ATMIN: variants seen among roughly 807,000 people sequenced by gnomAD.
The protein encoded by ATMIN is ATM INteracting protein.
In ATMIN, 24 loss-of-function variants were observed where a neutral mutation model predicts 49.2. The observed-to-expected ratio is 0.49, with a 90% confidence interval of 0.35 to 0.69. The LOEUF (loss-of-function observed/expected upper bound fraction) is 0.69, where lower values mean the gene tolerates loss of function less well. Among genes scored for constraint, ATMIN ranks in the 30% least tolerant of loss-of-function variants. The pLI is 0.00. For missense variants in ATMIN, 1,037 were observed against 1,005.5 expected (o/e 1.03, Z -0.42); for synonymous variants, 450 against 392.5 (o/e 1.15, Z -1.73).
intron 1 of ATMIN, among the ~76,000 whole-genome samples, chr16:81,036,914 ATCAG>A (rs1970947354): frequency 1.3e-5 from 2 of 152,348 alleles, no homozygotes; most frequent in East Asian, 3.9e-4. Flanking sequence ...TCTAAACACC[ATCAG>A]TCAGTTTCAC....
rs1017064466 is a variant in ATMIN, at chr16:81,041,534, C to T, written c.462+53C>T. 1.2e-5 allele frequency: 19 copies of T among 1,566,150 alleles called. No homozygotes were observed. In the Admixed American group the frequency reaches 3.6e-4, roughly 30 times the overall value. On this transcript the variant is annotated intron_variant, in intron 2 of 3. Transcript: ENST00000299575. ...AGATGCTAAAAACCTATTGTGCATTCTGATTACTTAGCAGACATAACTACA... is the reference window on the plus strand; with the variant it reads ...AGATGCTAAAAACCTATTGTGCATTTTGATTACTTAGCAGACATAACTACA...
intron 1 of ATMIN, chr16:81,037,184 T>G (rs914145251): frequency 1.0e-6 from 1 of 985,288 alleles, no homozygotes; most frequent in African/African-American, 1.7e-5. Flanking sequence ...CTTCCACCAC[T>G]CTAGGCCAGC....
At position 81,042,492 on chromosome 16, in the gene ATMIN, G is replaced by A. The variant is rs777572031; in HGVS notation, c.662+12G>A. On this transcript the variant is annotated intron_variant, in intron 3 of 3. Transcript: ENST00000299575. ...CCTGCAGAACACAGGTGAAGGGAAA[G>A]AAATGATGGCACAGAAGTCAGTAGC... 2.5e-6 allele frequency: 4 copies of A among 1,612,804 alleles called. No individual in the cohort carries two copies. Among genetic ancestry groups the A allele is most frequent in the Non-Finnish European group, 3.4e-6 (4 of 1,179,000 alleles).
intron 1 of ATMIN, among the ~76,000 whole-genome samples, chr16:81,036,615 AC>A (rs1223439880): frequency 1.3e-5 from 2 of 152,162 alleles, no homozygotes; most frequent in Admixed American, 6.5e-5. Context: ...GGGGCTTTAA[AC>A]CGGGGCCTCT....
intron 1 of ATMIN, among the ~76,000 whole-genome samples, chr16:81,039,629 T>TTCAGGGGCAGGAAGAGCAGAAGTAAA (rs1971006557): frequency 6.6e-6 from 1 of 152,182 alleles, no homozygotes; most frequent in Non-Finnish European, 1.5e-5. Flanking sequence ...GCCATGAGGA[T>TTCAGGGGCAGGAAGAGCAGAAGTAAA]TCAGGGGCAG....
At chr16:81,039,042 C>T (rs946373725) in intron 1 of ATMIN, among the ~76,000 whole-genome samples, 16 of 152,274 alleles carry the variant, frequency 1.1e-4, no homozygotes, top group Admixed American at 5.2e-4. Flanking sequence ...GTGATCCGCC[C>T]GCTTCAGCCT....
chr16:81,043,885 T>C lies in ATMIN; in HGVS notation c.1387T>C (p.Leu463=), dbSNP rs766708084. Residue 463 remains leucine (L), a synonymous_variant, in exon 4 of 4, where the codon TTG becomes CTG. Coordinates refer to ENST00000299575, the MANE Select transcript of ATMIN (RefSeq NM_015251.3). ...LPISVHTQTF[L]PSSKVTSSIA... is the part of the protein sequence containing the mutation. ...CATTAGTGTTCACACTCAGACATTT[T>C]TGCCCAGCTCTAAGGTAACTTCATC... The C allele has an allele frequency of 2.0e-5, 33 of 1,614,206 alleles. No individual in the cohort carries two copies. The highest frequency in any genetic ancestry group is 2.8e-5 in the Non-Finnish European group (33 of 1,180,038).
At chr16:81,039,183 G>T (rs962403945) in intron 1 of ATMIN, among the ~76,000 whole-genome samples, 2 of 152,170 alleles carry the variant, frequency 1.3e-5, no homozygotes, top group African/African-American at 4.8e-5. Flanking sequence ...TGGCTGGGAA[G>T]CTATCTTAGG....
rs1971097546 is a variant in ATMIN, at chr16:81,045,097, GTTTC to G, written c.*131_*134del. 2 of 1,279,028 alleles carry G rather than the reference GTTTC, an allele frequency of 1.6e-6. No homozygotes were observed. Among genetic ancestry groups the G allele is most frequent in the Non-Finnish European group, 2.1e-6 (2 of 941,788 alleles). 79.2% of individuals were successfully genotyped at this position (1,279,028 alleles called of 1,614,324 possible). Reference sequence around the variant, plus strand: ...TGATGCAGTTGCTTAGCTTCTTTGTGTTTCTTTGCCTTTTGTACTTGTAAACAGA... The same window carrying G: ...TGATGCAGTTGCTTAGCTTCTTTGTGTTTGCCTTTTGTACTTGTAAACAGA... On this transcript the variant is annotated 3_prime_UTR_variant, in exon 4 of 4. Transcript: ENST00000299575.
At chr16:81,040,421 G>T (rs1971018077) in intron 1 of ATMIN, 1 of 152,188 alleles carries the variant, frequency 6.6e-6, no homozygotes, top group African/African-American at 2.4e-5. Flanking sequence ...ATGACAGTGA[G>T]GTTATTAACA....
intron 3 of ATMIN, among the ~76,000 whole-genome samples, chr16:81,042,763 G>C (rs1971056016): frequency 6.6e-6 from 1 of 152,078 alleles, no homozygotes; most frequent in African/African-American, 2.4e-5. Context: ...TTCTATCAGA[G>C]GGAACCAAAC....
In ATMIN at chr16:81,035,925, G is replaced by T; in HGVS notation, c.55G>T (p.Ala19Ser). ...GGGGTCCGCGGCTCTGGCGGCGGGTGCCCGGGCCGTCCCGGCGGCCACGAC... is the reference window on the plus strand; with the variant it reads ...GGGGTCCGCGGCTCTGGCGGCGGGTTCCCGGGCCGTCCCGGCGGCCACGAC... ...AAGSAALAAG[A>S]RAVPAATTGA... Residue 19 changes from alanine to serine, a missense_variant, in exon 1 of 4, where the codon GCC (alanine) becomes TCC (serine). Coordinates refer to ENST00000299575, the MANE Select transcript of ATMIN (RefSeq NM_015251.3). 1 of 990,838 alleles carries T rather than the reference G, an allele frequency of 1.0e-6. No homozygotes were observed. Among genetic ancestry groups the T allele is most frequent in the Non-Finnish European group, 1.2e-6 (1 of 834,976 alleles). The allele number at this position is 990,838 out of a possible 1,614,324, so 61.4% of individuals were successfully genotyped here. A position where few individuals can be genotyped will look rare whatever the true frequency, so the allele number is the denominator to read the frequency against.
chr16:81,036,294 G>T (rs898758036), intron 1 of ATMIN, 88 bp downstream of exon 1: 3 of 1,097,014 alleles, frequency 2.7e-6, no homozygotes, highest in Non-Finnish European at 3.3e-6. Context: ...GCCTCGGGGG[G>T]ACGAGCGCCC....
chr16:81,039,004 C>G (rs760387670), intron 1 of ATMIN, among the ~76,000 whole-genome samples: 1 of 152,122 alleles, frequency 6.6e-6, no homozygotes, highest in Non-Finnish European at 1.5e-5. Flanking sequence ...CCATGTTGGT[C>G]GGGCTGGTCT....
chr16:81,040,270 C>G (rs978838747), intron 1 of ATMIN, among the ~76,000 whole-genome samples: 53 of 152,016 alleles, frequency 3.5e-4, no homozygotes, highest in African/African-American at 1.1e-3. Context: ...CCATCCTACC[C>G]TTGAGCTTAT....
rs1168757538 is a variant in ATMIN at position 81,046,031 on chromosome 16, T to A, written c.*1061T>A. 1 of 151,006 alleles carries A rather than the reference T, an allele frequency of 6.6e-6. No homozygotes were observed. The highest frequency in any genetic ancestry group is 2.4e-5 in the African/African-American group (1 of 41,088). The allele number at this position is 151,006 out of a possible 1,614,324, so 9.4% of individuals were successfully genotyped here. ...CACGTAGTGTAGTGTTCCTGCTAAA[T>A]GAGCGTAGGTTATCCAAACCTTGGG... On this transcript the variant is annotated 3_prime_UTR_variant, in exon 4 of 4. Transcript: ENST00000299575.
intron 3 of ATMIN, 83 bp from the exon 4 acceptor site, chr16:81,043,078 G>A: frequency 1.4e-6 from 2 of 1,473,898 alleles, no homozygotes; most frequent in Non-Finnish European, 9.1e-7. Flanking sequence ...TGGGGGAAAT[G>A]GCATTTGTAA....
At chr16:81,040,105 C>G (rs1971013828) in intron 1 of ATMIN, among the ~76,000 whole-genome samples, 1 of 152,004 alleles carries the variant, frequency 6.6e-6, no homozygotes, top group Non-Finnish European at 1.5e-5. Context: ...GGATTGTTTC[C>G]TCTCATAGGT....
chr16:81,044,560 T>A lies in ATMIN; in HGVS notation c.2062T>A (p.Cys688Ser). ...AGATACCTCTGCTCAGTCCTATGGG[T>A]GTAGGGGAAATTCTAACTTCTTAGG... is the stretch of plus-strand genomic sequence containing the variant. ...LADTSAQSYG[C>S]RGNSNFLGLE... Residue 688 changes from cysteine (C) to serine (S), a missense_variant, in exon 4 of 4, where the codon TGT becomes AGT. Transcript: ENST00000299575. 1 of 1,613,460 alleles carries A rather than the reference T, an allele frequency of 6.2e-7. No individual in the cohort carries two copies.
Sources: allele counts gnomAD v4.1 joint callset (sites outside exome capture counted in the v4.1 genomes callset), GRCh38; gene constraint gnomAD v4.1.1; transcripts MANE v1.5; gene names NCBI Gene and HGNC (gene_info 2026-07-23, HGNC 2026-07-21).